ASTN2: variants seen among roughly 807,000 people sequenced by gnomAD.
ASTN2 encodes the protein astrotactin 2, also known as astrotactin-2.
ASTN2 carries 54 observed loss-of-function variants against 139.8 expected under a neutral mutation model. The observed-to-expected ratio is 0.39, with a 90% CI of 0.31 to 0.48. The LOEUF (loss-of-function observed/expected upper bound fraction) is 0.48, where lower values mean the gene tolerates loss of function less well. Ranked by LOEUF, ASTN2 falls within the 20% of genes least tolerant of loss-of-function variation. ASTN2 has a pLI of 0.95. For missense variants in ASTN2, 1,565 were observed against 1,725.1 expected (o/e 0.91, Z 1.64); for synonymous variants, 756 against 719.5 (o/e 1.05, Z -0.81).
At chr9:116,719,000 A>ATATAT (rs1564230257) in intron 16 of ASTN2, among the ~76,000 whole-genome samples, 6 of 143,196 alleles carry the variant, frequency 4.2e-5, no homozygotes, top group Non-Finnish European at 6.1e-5. Context: ...ATCTGCCTAT[A>ATATAT]AGTCTCTCGC....
chr9:116,729,503 C>A (rs1156599304), intron 14 of ASTN2, among the ~76,000 whole-genome samples: 1 of 152,106 alleles, frequency 6.6e-6, no homozygotes, highest in Non-Finnish European at 1.5e-5. Flanking sequence ...AAGTGGGAGC[C>A]CTCTGGTAAC....
intron 16 of ASTN2, among the ~76,000 whole-genome samples, chr9:116,686,238 C>G (rs146167094): frequency 4.0e-4 from 61 of 152,212 alleles, no homozygotes; most frequent in Non-Finnish European, 7.2e-4. Context: ...GTATATGTGG[C>G]CTTGTGTAAC....
intron 2 of ASTN2, among the ~76,000 whole-genome samples, chr9:117,273,633 A>G (rs1834116904): frequency 6.6e-6 from 1 of 152,224 alleles, no homozygotes; most frequent in Admixed American, 6.5e-5. Context: ...GAAGCAGAAC[A>G]GGATGGCTCA....
At chr9:116,451,417 C>T (rs922663537) in intron 20 of ASTN2, among the ~76,000 whole-genome samples, 4 of 151,642 alleles carry the variant, frequency 2.6e-5, no homozygotes, top group African/African-American at 4.8e-5. Context: ...CTACTAGGTG[C>T]TGGGCATTCT....
At chr9:117,248,964 C>T (rs1415777749) in intron 2 of ASTN2, among the ~76,000 whole-genome samples, 1 of 152,216 alleles carries the variant, frequency 6.6e-6, no homozygotes, top group Non-Finnish European at 1.5e-5. Flanking sequence ...TCAATTTCCA[C>T]ATATGTACAA....
chr9:116,829,302 A>G (rs1831734777), intron 11 of ASTN2, among the ~76,000 whole-genome samples: 1 of 150,796 alleles, frequency 6.6e-6, no homozygotes, highest in Admixed American at 6.7e-5. Flanking sequence ...TTGGTATAAA[A>G]ATAGGCAACT....
chr9:116,600,364 G>GAAA (rs1854826223), intron 19 of ASTN2, among the ~76,000 whole-genome samples: 1 of 144,876 alleles, frequency 6.9e-6, no homozygotes, highest in Non-Finnish European at 1.5e-5. Context: ...AAGAAAGAAA[G>GAAA]AAAAAGAAAA....
intron 19 of ASTN2, among the ~76,000 whole-genome samples, chr9:116,581,748 C>T (rs1189420675): frequency 6.6e-6 from 1 of 152,192 alleles, no homozygotes; most frequent in Non-Finnish European, 1.5e-5. Flanking sequence ...TTCATTCATT[C>T]ATCTCTTCTT....
intron 6 of ASTN2, among the ~76,000 whole-genome samples, chr9:117,010,562 A>C (rs1008974057): frequency 2.0e-5 from 3 of 152,204 alleles, no homozygotes; most frequent in Non-Finnish European, 2.9e-5. Context: ...GGGCAAAAAA[A>C]CAAACCCTCA....
chr9:117,361,501 A>G (rs1488331943), intron 1 of ASTN2, among the ~76,000 whole-genome samples: 6 of 152,202 alleles, frequency 3.9e-5, no homozygotes, highest in Admixed American at 3.9e-4. Context: ...CTGTAAGAGT[A>G]AAACAAAACT....
rs540112674 is a variant in ASTN2 at position 116,460,862 on chromosome 9, C to T, written c.3498-18309G>A. 2.0e-4 allele frequency among the ~76,000 whole-genome samples: 31 copies of T among 152,194 alleles called. 1 individual carries two copies. The highest frequency in any genetic ancestry group is 1.2e-3 in the Admixed American group (18 of 15,282). On this transcript the variant is annotated intron_variant, in intron 20 of 22. Coordinates refer to ENST00000313400, the MANE Select transcript of ASTN2 (RefSeq NM_001365068.1). Reference sequence around the variant, plus strand: ...CTGGGCTGTTAGGAGGATTCTGTAGCGTAGATAAGATGCCCTTAGCCCATT... The same window carrying T: ...CTGGGCTGTTAGGAGGATTCTGTAGTGTAGATAAGATGCCCTTAGCCCATT...
intron 1 of ASTN2, among the ~76,000 whole-genome samples, chr9:117,305,196 A>C (rs1834969400): frequency 1.3e-5 from 2 of 152,228 alleles, no homozygotes. Flanking sequence ...TTGGTGAGGC[A>C]TTCATTTCTT....
chr9:116,917,686 G>A lies in ASTN2; in HGVS notation c.1890-53953C>T, dbSNP rs1308210244. On this transcript the variant is annotated intron_variant, in intron 10 of 22. Transcript: ENST00000313400. ...TTAATGACTTATAAATACTGCAGAG[G>A]AGAAAAAGTTGGAATGGAAAGGTGA... is the stretch of plus-strand genomic sequence containing the variant. Among the ~76,000 whole-genome samples, 6 of 152,144 alleles carry A rather than the reference G, an allele frequency of 3.9e-5. No individual in the cohort carries two copies. The East Asian group carries it at 1.2e-3, about 29-fold the overall frequency.
At chr9:117,056,230 T>C (rs1163829980) in intron 5 of ASTN2, among the ~76,000 whole-genome samples, 1 of 152,192 alleles carries the variant, frequency 6.6e-6, no homozygotes, top group African/African-American at 2.4e-5. Context: ...TAATGAATGT[T>C]TGTTGTTTTA....
At chr9:116,737,317 GC>G (rs1173064017) in intron 13 of ASTN2, among the ~76,000 whole-genome samples, 5 of 152,280 alleles carry the variant, frequency 3.3e-5, no homozygotes, top group African/African-American at 9.6e-5. Context: ...GGAAAGTTCC[GC>G]TGGGCTGAGA....
chr9:116,586,833 C>CACACACACACACACAT (rs1554717109), intron 19 of ASTN2, among the ~76,000 whole-genome samples: 7,769 of 117,624 alleles, frequency 0.066, 244 homozygotes, highest in East Asian at 0.11. Context: ...CACATACATA[C>CACACACACACACACAT]ACACACACAC....
intron 19 of ASTN2, among the ~76,000 whole-genome samples, chr9:116,513,984 C>G (rs1264608988): frequency 1.3e-5 from 2 of 151,678 alleles, no homozygotes; most frequent in African/African-American, 2.4e-5. Flanking sequence ...TTTTCTGAAG[C>G]CTTCTTCTCT....
chr9:117,099,337 C>T (rs931355770), intron 4 of ASTN2, among the ~76,000 whole-genome samples: 7 of 152,156 alleles, frequency 4.6e-5, no homozygotes, highest in African/African-American at 1.7e-4. Flanking sequence ...CACTTTGAAA[C>T]ATTTCAGCAA....
chr9:117,386,130 C>T (rs997695579), intron 1 of ASTN2, among the ~76,000 whole-genome samples: 1 of 151,332 alleles, frequency 6.6e-6, no homozygotes, highest in Non-Finnish European at 1.5e-5. Context: ...TGACAAAGAT[C>T]AGGAGGAAAG....
Sources: allele counts gnomAD v4.1 joint callset (sites outside exome capture counted in the v4.1 genomes callset), GRCh38; gene constraint gnomAD v4.1.1; transcripts MANE v1.5; gene names NCBI Gene and HGNC (gene_info 2026-07-23, HGNC 2026-07-21).